ASCC3: variants seen among roughly 807,000 people sequenced by gnomAD.
ASCC3 encodes the protein ASC-1 complex subunit P200.
Under a neutral mutation model 256.3 loss-of-function variants are expected in ASCC3, and 158 were observed. The observed-to-expected ratio is 0.62, with a 90% CI of 0.54 to 0.70. ASCC3 has a LOEUF of 0.70. ASCC3 is among the 30% of genes least tolerant of loss of function. The probability of loss-of-function intolerance (pLI) is 0.00; values close to 1 mark genes in which losing one functional copy is unlikely to be tolerated. For missense variants in ASCC3, 2,259 were observed against 2,626.0 expected (o/e 0.86, Z 3.05); for synonymous variants, 948 against 883.4 (o/e 1.07, Z -1.30).
intron 36 of ASCC3, among the ~76,000 whole-genome samples, chr6:100,567,457 C>T (rs147730302): frequency 3.3e-5 from 5 of 152,208 alleles, no homozygotes; most frequent in South Asian, 2.1e-4. Context: ...TACATACGCA[C>T]GTTTGTTACC....
chr6:100,768,217 T>C (rs1295955917), intron 8 of ASCC3, among the ~76,000 whole-genome samples: 1 of 152,084 alleles, frequency 6.6e-6, no homozygotes, highest in Non-Finnish European at 1.5e-5. Flanking sequence ...TGTGCAGGTG[T>C]AGAATATACG....
At chr6:100,825,522 G>A (rs933644584) in intron 4 of ASCC3, among the ~76,000 whole-genome samples, 1 of 152,034 alleles carries the variant, frequency 6.6e-6, no homozygotes, top group African/African-American at 2.4e-5. Flanking sequence ...CTTTCTCTCT[G>A]GCTGCCTTTA....
intron 28 of ASCC3, 64 bp downstream of exon 28, chr6:100,627,778 C>G: frequency 6.2e-7 from 1 of 1,609,622 alleles, no homozygotes; most frequent in Non-Finnish European, 8.5e-7. Flanking sequence ...TATAATATCT[C>G]TTAAAAGGAA....
In ASCC3 at chr6:100,662,390, C is replaced by T. The variant is rs1368707154; in HGVS notation, c.2433G>A (p.Thr811=). The part of the protein sequence containing the change: ...GHIKVLVCTA[T]LAWGVNLPAH... The stretch of plus-strand genomic sequence containing the variant: ...CGGGAAGATTGACACCCCAGGCTAA[C>T]GTAGCTGTACACACTAGGACTTTGA... Residue 811 remains threonine (T), a synonymous_variant, in exon 15 of 42, where the codon ACG becomes ACA. Coordinates refer to ENST00000369162, the MANE Select transcript of ASCC3 (RefSeq NM_006828.4). The T allele has an allele frequency of 1.4e-5, 23 of 1,613,144 alleles. No individual in the cohort carries two copies. The highest frequency in any genetic ancestry group is 4.4e-5 in the South Asian group (4 of 91,052).
chr6:100,740,372 T>A (rs1780375357), intron 10 of ASCC3, among the ~76,000 whole-genome samples: 1 of 152,192 alleles, frequency 6.6e-6, no homozygotes, highest in Admixed American at 6.5e-5. Context: ...AATTTTAGAG[T>A]AAGTGCCATG....
At chr6:100,701,375 C>A (rs1482466259) in intron 13 of ASCC3, among the ~76,000 whole-genome samples, 2 of 152,092 alleles carry the variant, frequency 1.3e-5, no homozygotes, top group Non-Finnish European at 2.9e-5. Context: ...TCTTTGCCTG[C>A]CACCATCCAT....
At chr6:100,830,461 A>G (rs1384010407) in intron 4 of ASCC3, among the ~76,000 whole-genome samples, 1 of 152,178 alleles carries the variant, frequency 6.6e-6, no homozygotes, top group Non-Finnish European at 1.5e-5. Flanking sequence ...TATATAAGCA[A>G]TACTGTTTAC....
At chr6:100,706,258 T>C (rs1391023476) in intron 13 of ASCC3, among the ~76,000 whole-genome samples, 1 of 151,510 alleles carries the variant, frequency 6.6e-6, no homozygotes, top group East Asian at 1.9e-4. Context: ...AATCACCTAC[T>C]TAAAGTTATA....
At chr6:100,519,456 T>C (rs1324705916) in intron 37 of ASCC3, among the ~76,000 whole-genome samples, 1 of 152,160 alleles carries the variant, frequency 6.6e-6, no homozygotes, top group Admixed American at 6.6e-5. Flanking sequence ...ATTCTTCCTT[T>C]TTCTCTGTAC....
chr6:100,712,713 C>G (rs1224224893), intron 13 of ASCC3, among the ~76,000 whole-genome samples: 3 of 147,956 alleles, frequency 2.0e-5, no homozygotes, highest in Non-Finnish European at 4.5e-5. Flanking sequence ...TTTTAAAAAG[C>G]TAAACATACT....
intron 36 of ASCC3, among the ~76,000 whole-genome samples, chr6:100,587,919 C>T (rs1161697603): frequency 1.3e-5 from 2 of 152,020 alleles, no homozygotes; most frequent in African/African-American, 4.8e-5. Context: ...GTGGAGTAAA[C>T]AGGGGTACAG....
intron 36 of ASCC3, among the ~76,000 whole-genome samples, chr6:100,552,018 T>TAA (rs1562113007): frequency 6.6e-6 from 1 of 151,804 alleles, no homozygotes; most frequent in African/African-American, 2.4e-5. Context: ...CTTCTGAGAG[T>TAA]AACTGTAACT....
intron 39 of ASCC3, 52 bp downstream of exon 39, chr6:100,516,128 T>C (rs1025994144): frequency 6.2e-7 from 1 of 1,611,684 alleles, no homozygotes; most frequent in African/African-American, 1.3e-5. Flanking sequence ...AAACTCTTGG[T>C]ACACCTTCTC....
At chr6:100,608,241 TTATATATATAC>T (rs1388442582) in intron 30 of ASCC3, among the ~76,000 whole-genome samples, 1 of 38,264 alleles carries the variant, frequency 2.6e-5, no homozygotes, top group Non-Finnish European at 5.5e-5. Context: ...ACTTTATACT[TTATATATATAC>T]TTTATATATA....
rs1367951290 is a variant in ASCC3, at chr6:100,800,466, T to C, written c.961A>G (p.Asn321Asp). Reference protein sequence around the residue: ...KKILGENAKPNYGCQVTIQSE... With the variant: ...KKILGENAKPDYGCQVTIQSE... ...TGAATAGTGACTTGACAACCATAAT[T>C]GGGTTTAGCATTTTCTCCTAAAATT... Residue 321 changes from asparagine (N) to aspartate (D), a missense_variant, in exon 6 of 42, where the codon AAT becomes GAT. By Grantham distance (23) the Asn-to-Asp change is conservative. This residue lies in a region of ASCC3 where 420 missense variants were observed against 419.3 expected (regional missense o/e 1.00). Coordinates refer to ENST00000369162, the MANE Select transcript of ASCC3 (RefSeq NM_006828.4). The C allele has an allele frequency of 1.2e-6, 2 of 1,612,050 alleles. No individual in the cohort carries two copies. Among genetic ancestry groups the C allele is most frequent in the East Asian group, 2.2e-5 (1 of 44,748 alleles).
intron 13 of ASCC3, among the ~76,000 whole-genome samples, chr6:100,712,598 T>G (rs1357187134): frequency 6.6e-6 from 1 of 151,970 alleles, no homozygotes; most frequent in Non-Finnish European, 1.5e-5. Flanking sequence ...ATCCAAAATA[T>G]TGACAAAACC....
intron 36 of ASCC3, among the ~76,000 whole-genome samples, chr6:100,575,686 A>T (rs563913404): frequency 6.6e-6 from 1 of 152,212 alleles, no homozygotes; most frequent in African/African-American, 2.4e-5. Context: ...TCATGTTGTC[A>T]TAAGAACCAT....
At chr6:100,689,416 G>T (rs2114981624) in intron 13 of ASCC3, among the ~76,000 whole-genome samples, 1 of 152,180 alleles carries the variant, frequency 6.6e-6, no homozygotes, top group Admixed American at 6.5e-5. Flanking sequence ...AGAAGAATAG[G>T]GAGTTCATCT....
At chr6:100,793,880 C>A (rs1292352739) in intron 8 of ASCC3, among the ~76,000 whole-genome samples, 2 of 151,932 alleles carry the variant, frequency 1.3e-5, no homozygotes, top group African/African-American at 2.4e-5. Context: ...GTATGCTGAA[C>A]ATGCACAAAA....
Sources: allele counts gnomAD v4.1 joint callset (sites outside exome capture counted in the v4.1 genomes callset), GRCh38; gene constraint gnomAD v4.1.1; regional missense constraint gnomAD v4.1.1; transcripts MANE v1.5; gene names NCBI Gene and HGNC (gene_info 2026-07-23, HGNC 2026-07-21).